Variants in DYNC2I1 observed in about 807,000 individuals in gnomAD.
DYNC2I1 encodes the protein dynein 2 intermediate chain 1.
In DYNC2I1, 89 loss-of-function variants were observed where a neutral mutation model predicts 133.4. That is an observed-to-expected ratio of 0.67 (90% CI 0.56 to 0.80). The LOEUF is 0.80. Among genes scored for constraint, DYNC2I1 ranks in the 30% least tolerant of loss-of-function variants. The pLI, the probability that DYNC2I1 is intolerant of heterozygous loss-of-function variation, is 0.00. For missense variants in DYNC2I1, 1,291 were observed against 1,314.5 expected (o/e 0.98, Z 0.28); for synonymous variants, 504 against 484.3 (o/e 1.04, Z -0.54).
chr7:158,932,565 G>T (rs528164838), intron 21 of DYNC2I1, among the ~76,000 whole-genome samples: 35 of 152,244 alleles, frequency 2.3e-4, no homozygotes, highest in African/African-American at 7.9e-4. Flanking sequence ...TCTGTCTGCC[G>T]TGCTAAAGGG....
chr7:158,870,796 G>T (rs763431294), intron 2 of DYNC2I1, among the ~76,000 whole-genome samples: 2 of 152,124 alleles, frequency 1.3e-5, no homozygotes, highest in Non-Finnish European at 2.9e-5. Flanking sequence ...CACCCGAATA[G>T]TACCTGTCAC....
At chr7:158,955,808 C>G (rs1348442096) in intron 4 of DYNC2I1, among the ~76,000 whole-genome samples, 1 of 152,212 alleles carries the variant, frequency 6.6e-6, no homozygotes, top group East Asian at 1.9e-4. Context: ...GGGCAGTGAT[C>G]ACAGAATAAA....
rs749011394 is a variant in DYNC2I1 at position 158,923,673 on chromosome 7, C to T, written c.2197C>T (p.His733Tyr). The part of the protein sequence containing the change: ...VWDLREDSRL[H>Y]YSVTLSDGFW... ...GGATTTGAGAGAAGACTCAAGGCTGCATTACTCTGTGACGCTGAGCGATGG... is the reference window on the plus strand; with the variant it reads ...GGATTTGAGAGAAGACTCAAGGCTGTATTACTCTGTGACGCTGAGCGATGG... Residue 733 changes from histidine (H) to tyrosine (Y), a missense_variant, in exon 17 of 25, where the codon CAT becomes TAT. Coordinates refer to ENST00000407559, the MANE Select transcript of DYNC2I1 (RefSeq NM_018051.5). 6.2e-7 allele frequency: 1 copy of T among 1,613,990 alleles called. No individual in the cohort carries two copies. Among genetic ancestry groups the T allele is most frequent in the African/African-American group, 1.3e-5 (1 of 75,040 alleles).
intron 23 of DYNC2I1, among the ~76,000 whole-genome samples, chr7:158,938,037 G>C (rs1850943192): frequency 6.6e-6 from 1 of 152,164 alleles, no homozygotes; most frequent in Non-Finnish European, 1.5e-5. Context: ...GCTAACAAGG[G>C]TTAGAAAATG....
chr7:158,912,397 A>C (rs1847569894), intron 12 of DYNC2I1, among the ~76,000 whole-genome samples: 1 of 152,216 alleles, frequency 6.6e-6, no homozygotes, highest in Non-Finnish European at 1.5e-5. Flanking sequence ...AATCCTTTTA[A>C]AAGGAGGAAG....
intron 10 of DYNC2I1, 88 bp downstream of exon 10, chr7:158,902,683 T>C: frequency 1.7e-6 from 2 of 1,210,558 alleles, no homozygotes; most frequent in South Asian, 2.8e-5. Flanking sequence ...ACAGGCCTAC[T>C]CTAATAAGGT....
intron 23 of DYNC2I1, among the ~76,000 whole-genome samples, chr7:158,939,873 G>T (rs929307668): frequency 6.6e-6 from 1 of 152,090 alleles, no homozygotes; most frequent in African/African-American, 2.4e-5. Flanking sequence ...TGACAAAAAG[G>T]GGTCTATATA....
At chr7:158,899,805 T>C (rs918301313) in intron 8 of DYNC2I1, among the ~76,000 whole-genome samples, 1 of 152,194 alleles carries the variant, frequency 6.6e-6, no homozygotes, top group Non-Finnish European at 1.5e-5. Context: ...TCCCCAGCCA[T>C]GTGGAACTGT....
At chr7:158,869,731 A>T in intron 1 of DYNC2I1, 124 bp from the exon 2 acceptor site, 1 of 667,920 alleles carries the variant, frequency 1.5e-6, no homozygotes, top group East Asian at 2.8e-5. Flanking sequence ...GGAGGTAGAG[A>T]AGTATTTTCT....
intron 21 of DYNC2I1, 140 bp downstream of exon 21, chr7:158,930,655 T>TAA (rs1850130148): frequency 1.4e-6 from 1 of 713,408 alleles, no homozygotes; most frequent in Admixed American, 3.3e-5. Context: ...ACTGTTTTGT[T>TAA]AGTCTATTAT....
In DYNC2I1 at chr7:158,891,351, T is replaced by C. The variant is rs1192959779; in HGVS notation, c.1059+18T>C. 1 of 1,613,820 alleles carries C rather than the reference T, an allele frequency of 6.2e-7. No homozygotes were observed. The highest frequency in any genetic ancestry group is 8.5e-7 in the Non-Finnish European group (1 of 1,179,684). On this transcript the variant is annotated intron_variant, in intron 8 of 24. Coordinates refer to ENST00000407559, the MANE Select transcript of DYNC2I1 (RefSeq NM_018051.5). ...AAACCGTGGTAAGGAGAGTACGTCT[T>C]CTTATAGTTTGCAATCCTGTCCCAG...
At chr7:158,914,458 T>G in intron 14 of DYNC2I1, 137 bp downstream of exon 14, 2 of 700,906 alleles carry the variant, frequency 2.9e-6, no homozygotes, top group Non-Finnish European at 4.5e-6. Flanking sequence ...TTTTCAAGTA[T>G]TATTTTCTTA....
At chr7:158,867,250 A>G (rs1327301986) in intron 1 of DYNC2I1, among the ~76,000 whole-genome samples, 3 of 151,972 alleles carry the variant, frequency 2.0e-5, no homozygotes, top group East Asian at 1.9e-4. Flanking sequence ...GTGTGTTACT[A>G]TGGCGTGGTG....
At chr7:158,894,751 T>C (rs1845608235) in intron 8 of DYNC2I1, among the ~76,000 whole-genome samples, 1 of 152,186 alleles carries the variant, frequency 6.6e-6, no homozygotes, top group African/African-American at 2.4e-5. Flanking sequence ...ATGTTTAGTT[T>C]TGTTGATAAA....
chr7:158,905,197 G>C (rs893066634), intron 10 of DYNC2I1: 1 of 389,308 alleles, frequency 2.6e-6, no homozygotes, highest in Non-Finnish European at 4.9e-6. Flanking sequence ...CTGGAGTACA[G>C]TGGCATGATC....
At chr7:158,918,946 T>A (rs1027972432) in intron 15 of DYNC2I1, 77 bp downstream of exon 15, 81 of 1,430,616 alleles carry the variant, frequency 5.7e-5, no homozygotes, top group Admixed American at 2.4e-5. Context: ...TGTAGTATAA[T>A]ATTTTATTTT....
At chr7:158,934,621 C>T in intron 23 of DYNC2I1, 72 bp downstream of exon 23, 1 of 1,463,320 alleles carries the variant, frequency 6.8e-7, no homozygotes, top group Admixed American at 2.1e-5. Context: ...TGCTCTGTCA[C>T]CCAAGCTGGA....
intron 17 of DYNC2I1, 25 bp downstream of exon 17, chr7:158,923,758 G>T: frequency 6.3e-7 from 1 of 1,588,418 alleles, no homozygotes; most frequent in Non-Finnish European, 8.6e-7. Flanking sequence ...CCTGCCAATT[G>T]TGTGTCTGCT....
chr7:158,913,087 G>A lies in DYNC2I1; in HGVS notation c.1693G>A (p.Val565Ile). The A allele has an allele frequency of 6.2e-7, 1 of 1,610,880 alleles. No homozygotes were observed. Among genetic ancestry groups the A allele is most frequent in the Non-Finnish European group, 8.5e-7 (1 of 1,177,842 alleles). ...CCAGCACCCGGGAGAAAGTACTGTT[G>A]TATCTGGAGGTAACATCTTGCTCTT... ...WTQHPGESTV[V>I]SGGSEQRDTS... The change falls in exon 13 of 25, where the codon GTA becomes ATA. Residue 565 changes from valine to isoleucine, a missense_variant. Val to Ile is a conservative substitution (Grantham distance 29, BLOSUM62 3). Coordinates refer to ENST00000407559, the MANE Select transcript of DYNC2I1 (RefSeq NM_018051.5).
Sources: gnomAD v4.1 joint callset for allele counts (sites outside exome capture counted in the v4.1 genomes callset) on GRCh38, gnomAD v4.1.1 for gene constraint, MANE v1.5 for transcripts, NCBI Gene and HGNC (gene_info 2026-07-23, HGNC 2026-07-21) for gene names.